Variants in VAV3 observed in about 807,000 individuals in gnomAD.
VAV3 encodes vav guanine nucleotide exchange factor 3.
VAV3 carries 94 observed loss-of-function variants against 131.2 expected under a neutral mutation model. The ratio of observed to expected loss-of-function variants is 0.72; its 90% CI spans 0.61 to 0.85. The LOEUF (loss-of-function observed/expected upper bound fraction) is 0.85. Ranked by LOEUF, VAV3 falls within the 40% of genes least tolerant of loss-of-function variation. The probability of loss-of-function intolerance (pLI) is 0.00; values close to 1 mark genes in which losing one functional copy is unlikely to be tolerated. For synonymous variants in VAV3, 349 were observed against 342.0 expected (o/e 1.02, Z -0.22); for missense variants, 939 against 1,002.7 (o/e 0.94, Z 0.86).
At chr1:107,924,479 T>C (rs1202760055) in intron 1 of VAV3, among the ~76,000 whole-genome samples, 1 of 151,730 alleles carries the variant, frequency 6.6e-6, no homozygotes, top group South Asian at 2.1e-4. Context: ...GACATAGAAG[T>C]GGCCACATCA....
At chr1:107,769,860 TA>T (rs926859640) in intron 6 of VAV3, among the ~76,000 whole-genome samples, 9 of 152,216 alleles carry the variant, frequency 5.9e-5, no homozygotes, top group Non-Finnish European at 1.3e-4. Flanking sequence ...GTTCTATGTT[TA>T]AAATTTACTC....
intron 2 of VAV3, among the ~76,000 whole-genome samples, chr1:107,835,106 G>A (rs1668412839): frequency 6.6e-6 from 1 of 152,158 alleles, no homozygotes; most frequent in Non-Finnish European, 1.5e-5. Context: ...TAGGCCAGGA[G>A]AGAGTAGGGC....
chr1:107,744,049 C>T (rs1309412779), intron 15 of VAV3, among the ~76,000 whole-genome samples: 1 of 152,146 alleles, frequency 6.6e-6, no homozygotes, highest in East Asian at 1.9e-4. Flanking sequence ...TGCTCCATCC[C>T]AACAGTGAAG....
chr1:107,827,769 GA>G (rs1668077651), intron 2 of VAV3, among the ~76,000 whole-genome samples: 1 of 152,128 alleles, frequency 6.6e-6, no homozygotes, highest in Non-Finnish European at 1.5e-5. Context: ...GATTTTATTT[GA>G]AACAGTCTTA....
At chr1:107,596,999 G>A (rs1651446657) in intron 24 of VAV3, among the ~76,000 whole-genome samples, 1 of 151,920 alleles carries the variant, frequency 6.6e-6, no homozygotes, top group Admixed American at 6.6e-5. Flanking sequence ...TCAGACTATC[G>A]TTTCAGAAAA....
intron 2 of VAV3, among the ~76,000 whole-genome samples, chr1:107,798,964 C>T (rs1221805843): frequency 6.6e-6 from 1 of 151,626 alleles, no homozygotes; most frequent in Non-Finnish European, 1.5e-5. Flanking sequence ...TTCTTTATTC[C>T]TCTGTGGAAC....
At chr1:107,593,878 G>A (rs1015384736) in intron 25 of VAV3, among the ~76,000 whole-genome samples, 8 of 152,082 alleles carry the variant, frequency 5.3e-5, no homozygotes, top group African/African-American at 1.9e-4. Flanking sequence ...GTTAGAAGTA[G>A]CAGCAGTAGT....
chr1:107,742,467 A>C (rs183874018), intron 15 of VAV3, among the ~76,000 whole-genome samples: 33 of 152,280 alleles, frequency 2.2e-4, no homozygotes, highest in African/African-American at 7.9e-4. Context: ...CACCAAAATA[A>C]ACAAAAGATA....
At chr1:107,871,526 C>A (rs1301465298) in intron 2 of VAV3, among the ~76,000 whole-genome samples, 1 of 151,784 alleles carries the variant, frequency 6.6e-6, no homozygotes, top group Non-Finnish European at 1.5e-5. Flanking sequence ...GTGTAGAAAG[C>A]GTTTCAAACT....
intron 19 of VAV3, among the ~76,000 whole-genome samples, chr1:107,664,504 G>A (rs141922135): frequency 9.2e-4 from 140 of 152,240 alleles, no homozygotes; most frequent in African/African-American, 3.2e-3. Context: ...AGCATAGGTC[G>A]GCTTTTCAAA....
chr1:107,680,507 C>A (rs904732987), intron 19 of VAV3, among the ~76,000 whole-genome samples: 5 of 151,956 alleles, frequency 3.3e-5, no homozygotes, highest in Non-Finnish European at 5.9e-5. Flanking sequence ...TACTGGGCAC[C>A]TTTGAGAGTA....
chr1:107,790,682 T>C (rs1052711334), intron 2 of VAV3, among the ~76,000 whole-genome samples: 2 of 104,656 alleles, frequency 1.9e-5, no homozygotes, highest in African/African-American at 7.7e-5. Context: ...TGTCTTCCTT[T>C]TTTTTTTTTT....
chr1:107,628,518 T>C (rs950292910), intron 20 of VAV3, among the ~76,000 whole-genome samples: 4 of 152,178 alleles, frequency 2.6e-5, no homozygotes, highest in African/African-American at 7.2e-5. Context: ...AAATGCTTCC[T>C]TCCTCCTGAG....
At chr1:107,846,201 C>G (rs1318613351) in intron 2 of VAV3, among the ~76,000 whole-genome samples, 2 of 152,106 alleles carry the variant, frequency 1.3e-5, no homozygotes, top group African/African-American at 4.8e-5. Flanking sequence ...CCAAACTAAG[C>G]TTCATAAGCA....
At chr1:107,775,767 A>G (rs950790289) in intron 4 of VAV3, among the ~76,000 whole-genome samples, 3 of 152,134 alleles carry the variant, frequency 2.0e-5, no homozygotes, top group Non-Finnish European at 4.4e-5. Context: ...GAGATAAGAA[A>G]CTACTCTTAA....
At chr1:107,703,119 G>A (rs1314927769) in intron 17 of VAV3, among the ~76,000 whole-genome samples, 1 of 152,020 alleles carries the variant, frequency 6.6e-6, no homozygotes. Context: ...TCAAGACAGG[G>A]CCTTGGAATT....
At chr1:107,635,431 G>C (rs1570655908) in intron 20 of VAV3, among the ~76,000 whole-genome samples, 1 of 137,432 alleles carries the variant, frequency 7.3e-6, no homozygotes, top group Admixed American at 7.9e-5. Context: ...GAGAACACAT[G>C]GACACAGGAA....
intron 4 of VAV3, among the ~76,000 whole-genome samples, chr1:107,776,103 T>C (rs1003787242): frequency 1.3e-5 from 2 of 152,230 alleles, no homozygotes; most frequent in Non-Finnish European, 2.9e-5. Flanking sequence ...TTACATAAGA[T>C]AGTGCATATA....
At chr1:107,798,718 CAAAAAAAAAAAAA>C (rs57288177) in intron 2 of VAV3, among the ~76,000 whole-genome samples, 2 of 49,522 alleles carry the variant, frequency 4.0e-5, no homozygotes, top group Non-Finnish European at 6.9e-5. Context: ...GACTCCCTCT[CAAAAAAAAAAAAA>C]AAAAAAAAAA....
Sources: gnomAD v4.1 joint callset for allele counts (sites outside exome capture counted in the v4.1 genomes callset) on GRCh38, gnomAD v4.1.1 for gene constraint, MANE v1.5 for transcripts, NCBI Gene and HGNC (gene_info 2026-07-23, HGNC 2026-07-21) for gene names.